Variants in KIAA1217 observed in about 807,000 individuals in gnomAD.
The protein encoded by KIAA1217 is KIAA1217.
A neutral mutation model predicts 163.9 loss-of-function variants in KIAA1217; 88 were observed. That is an observed-to-expected ratio of 0.54 (90% CI 0.45 to 0.64). The LOEUF (loss-of-function observed/expected upper bound fraction) is 0.64. Ranked by LOEUF, KIAA1217 falls within the 30% of genes least tolerant of loss-of-function variation. The probability of loss-of-function intolerance (pLI) is 0.00; values close to 1 mark genes in which losing one functional copy is unlikely to be tolerated. For synonymous variants in KIAA1217, 903 were observed against 923.1 expected (o/e 0.98, Z 0.39); for missense variants, 2,372 against 2,475.0 (o/e 0.96, Z 0.88).
At chr10:24,513,142 A>C in intron 9 of KIAA1217, 117 bp from the exon 10 acceptor site, 1 of 872,864 alleles carries the variant, frequency 1.1e-6, no homozygotes, top group Non-Finnish European at 1.8e-6. Context: ...CATTGAAATA[A>C]GTAAAGATTC....
rs1392853280 is a variant in KIAA1217, at chr10:23,943,641, A to G, written c.-320-63584A>G. Among the ~76,000 whole-genome samples the G allele has an allele frequency of 2.0e-5, 3 of 152,368 alleles. No individual in the cohort carries two copies. The East Asian group carries it at 5.8e-4, about 29-fold the overall frequency. ...TTGATGAATTTATTCTAAAATTTAT[A>G]TTGAGAATCAAAGGTCCTAAAATAG... is the stretch of plus-strand genomic sequence containing the variant. On this transcript the variant is annotated intron_variant, in intron 1 of 18. Transcript: ENST00000376462.
intron 2 of KIAA1217, among the ~76,000 whole-genome samples, chr10:24,008,158 TTAGATAGATAGATAGATAGA>T (rs60229610): frequency 3.7e-4 from 55 of 148,370 alleles, no homozygotes; most frequent in African/African-American, 9.9e-4. Context: ...AGGTAGGAAA[TTAGATAGATAGATAGATAGA>T]TAGATAGATA....
At chr10:23,925,715 G>A (rs1202879523) in intron 1 of KIAA1217, among the ~76,000 whole-genome samples, 2 of 152,130 alleles carry the variant, frequency 1.3e-5, no homozygotes, top group Admixed American at 6.5e-5. Context: ...AGTGGAACAC[G>A]CCCTAAGTGA....
At chr10:23,870,256 T>C (rs1004456389) in intron 1 of KIAA1217, among the ~76,000 whole-genome samples, 1 of 152,114 alleles carries the variant, frequency 6.6e-6, no homozygotes, top group African/African-American at 2.4e-5. Flanking sequence ...GCTGACTATA[T>C]CCAGAGGTGG....
intron 1 of KIAA1217, among the ~76,000 whole-genome samples, chr10:24,211,199 G>A (rs1207405818): frequency 1.3e-5 from 2 of 151,956 alleles, no homozygotes; most frequent in Non-Finnish European, 2.9e-5. Context: ...GTAACAGCAG[G>A]GATGTAATGT....
intron 1 of KIAA1217, among the ~76,000 whole-genome samples, chr10:23,835,076 A>G (rs958681807): frequency 2.6e-5 from 4 of 152,048 alleles, no homozygotes; most frequent in African/African-American, 9.7e-5. Context: ...GAATGAAGTC[A>G]TGGAGGGAGA....
chr10:23,987,103 C>T (rs1449310337), intron 1 of KIAA1217, among the ~76,000 whole-genome samples: 1 of 152,020 alleles, frequency 6.6e-6, no homozygotes, highest in Admixed American at 6.6e-5. Context: ...AAGGGCCAGG[C>T]GTGGTGGCTC....
At chr10:23,923,897 T>G (rs1175818008) in intron 1 of KIAA1217, among the ~76,000 whole-genome samples, 1 of 152,208 alleles carries the variant, frequency 6.6e-6, no homozygotes, top group Non-Finnish European at 1.5e-5. Context: ...GGCAGTGGCA[T>G]TTGGAAGTGA....
intron 2 of KIAA1217, among the ~76,000 whole-genome samples, chr10:24,178,171 A>G (rs1221925460): frequency 6.6e-6 from 1 of 152,250 alleles, no homozygotes; most frequent in Non-Finnish European, 1.5e-5. Context: ...ACCACAGTGA[A>G]TGTTTACGTT....
intron 1 of KIAA1217, among the ~76,000 whole-genome samples, chr10:23,849,910 A>G (rs1839224993): frequency 6.6e-6 from 1 of 152,050 alleles, no homozygotes; most frequent in Non-Finnish European, 1.5e-5. Context: ...ACTTATAAAC[A>G]TTCATGCGTA....
At chr10:24,349,402 G>T (rs890414791) in intron 2 of KIAA1217, among the ~76,000 whole-genome samples, 2 of 152,150 alleles carry the variant, frequency 1.3e-5, no homozygotes, top group African/African-American at 4.8e-5. Context: ...CAAAGCAAAG[G>T]TATTTGTTGG....
In KIAA1217 at chr10:24,520,162, C is replaced by T. The variant is rs191925449; in HGVS notation, c.2217C>T (p.Ser739=). The T allele has an allele frequency of 5.0e-5, 80 of 1,614,092 alleles. No individual in the cohort carries two copies. In the East Asian group the frequency reaches 1.7e-3, roughly 34 times the overall value. ...TTGTTGAAGACTTGAAGAAGGACTCCACGGCAGCCAGCCGATTGGTTACTC... is the reference window on the plus strand; with the variant it reads ...TTGTTGAAGACTTGAAGAAGGACTCTACGGCAGCCAGCCGATTGGTTACTC... ...EDFVEDLKKD[S]TAASRLVTLK... Residue 739 remains serine, a synonymous_variant, in exon 11 of 21, where the codon TCC becomes TCT. Transcript: ENST00000376454.
At chr10:23,888,886 C>T (rs1201771243) in intron 1 of KIAA1217, among the ~76,000 whole-genome samples, 1 of 151,822 alleles carries the variant, frequency 6.6e-6, no homozygotes, top group Non-Finnish European at 1.5e-5. Flanking sequence ...ACCGATCTGA[C>T]ATTTAGCACT....
rs184346958 is a variant in KIAA1217 at position 23,849,392 on chromosome 10, T to C, written c.-321+154158T>C. Among the ~76,000 whole-genome samples the C allele has an allele frequency of 1.6e-3, 251 of 152,152 alleles. 2 individuals carry two copies. Among genetic ancestry groups the C allele is most frequent in the African/African-American group, 5.7e-3 (235 of 41,548 alleles). Reference sequence around the variant, plus strand: ...GGTGAAAAGTTCTTTGCTTATCCTCTCCTTGGGGCAAGGACCCTAGATCTG... The same window carrying C: ...GGTGAAAAGTTCTTTGCTTATCCTCCCCTTGGGGCAAGGACCCTAGATCTG... On this transcript the variant is annotated intron_variant, in intron 1 of 18. Transcript: ENST00000376462.
intron 2 of KIAA1217, among the ~76,000 whole-genome samples, chr10:24,260,786 C>T (rs1364005237): frequency 6.6e-6 from 1 of 151,870 alleles, no homozygotes; most frequent in East Asian, 1.9e-4. Flanking sequence ...TCAACATAGC[C>T]CACTAACAGC....
chr10:23,759,417 C>T (rs972665720), intron 1 of KIAA1217, among the ~76,000 whole-genome samples: 3 of 152,090 alleles, frequency 2.0e-5, no homozygotes, highest in South Asian at 4.1e-4. Flanking sequence ...TCTTGCCTAT[C>T]GGCTCTGGCT....
intron 2 of KIAA1217, among the ~76,000 whole-genome samples, chr10:24,010,397 T>G (rs1847188875): frequency 6.6e-6 from 1 of 152,164 alleles, no homozygotes; most frequent in Non-Finnish European, 1.5e-5. Flanking sequence ...GATACTACCT[T>G]TGTTCAACCC....
At chr10:24,341,668 GA>G (rs1460739192) in intron 2 of KIAA1217, among the ~76,000 whole-genome samples, 5 of 152,164 alleles carry the variant, frequency 3.3e-5, no homozygotes, top group Admixed American at 2.0e-4. Flanking sequence ...TTGTAATTTA[GA>G]TTTCTTCAGT....
chr10:23,734,117 A>G (rs1335821), intron 1 of KIAA1217, among the ~76,000 whole-genome samples: 1 of 151,894 alleles, frequency 6.6e-6, no homozygotes, highest in Non-Finnish European at 1.5e-5. Context: ...CTCCCAACTT[A>G]GTAGGAACCC....
Sources: gnomAD v4.1 joint callset for allele counts (sites outside exome capture counted in the v4.1 genomes callset) on GRCh38, gnomAD v4.1.1 for gene constraint, MANE v1.5 for transcripts, NCBI Gene and HGNC (gene_info 2026-07-23, HGNC 2026-07-21) for gene names.